CNN3: variants seen among roughly 807,000 people sequenced by gnomAD.
The protein encoded by CNN3 is calponin 3.
In CNN3, 11 loss-of-function variants were observed where a neutral mutation model predicts 39.0. The ratio of observed to expected loss-of-function variants is 0.28; its 90% CI spans 0.18 to 0.47. CNN3 has a LOEUF of 0.47. Among genes scored for constraint, CNN3 ranks in the 20% least tolerant of loss-of-function variants. The pLI is 0.99. For missense variants in CNN3, 266 were observed against 403.4 expected (o/e 0.66, Z 2.92); for synonymous variants, 101 against 138.3 (o/e 0.73, Z 1.89).
chr1:94,926,801 C>A lies in CNN3; in HGVS notation c.57+37G>T. The A allele has an allele frequency of 6.3e-7, 1 of 1,597,414 alleles. No homozygotes were observed. The highest frequency in any genetic ancestry group is 8.5e-7 in the Non-Finnish European group (1 of 1,171,342). Reference sequence around the variant, plus strand: ...CCAGCGCCAGGCCAGCCCAAGGGTGCCCCGGGGGCCCCCGCGCCCGCCCGA... The same window carrying A: ...CCAGCGCCAGGCCAGCCCAAGGGTGACCCGGGGGCCCCCGCGCCCGCCCGA... On this transcript the variant is annotated intron_variant, in intron 1 of 6. Coordinates refer to ENST00000370206, the MANE Select transcript of CNN3 (RefSeq NM_001839.5). The surrounding 1 kb of genome is among the most constrained non-coding windows in gnomAD (Gnocchi z 4.2).
intron 1 of CNN3, among the ~76,000 whole-genome samples, chr1:94,916,735 A>G (rs375960269): frequency 1.2e-4 from 19 of 152,222 alleles, no homozygotes; most frequent in African/African-American, 4.3e-4. Flanking sequence ...GCCCATTTCC[A>G]CCATGCACAA....
intron 1 of CNN3, among the ~76,000 whole-genome samples, chr1:94,917,439 T>C (rs1025649731): frequency 1.3e-5 from 2 of 152,224 alleles, no homozygotes; most frequent in Non-Finnish European, 2.9e-5. Flanking sequence ...GGACGAGGGA[T>C]GGAGTAGGGA....
At chr1:94,922,063 T>A (rs946170176) in intron 1 of CNN3, among the ~76,000 whole-genome samples, 11 of 152,044 alleles carry the variant, frequency 7.2e-5, no homozygotes, top group Admixed American at 4.6e-4. Context: ...TAAGAAATAA[T>A]CCCAAAATCA....
At chr1:94,919,863 C>T (rs774551973) in intron 1 of CNN3, among the ~76,000 whole-genome samples, 6 of 152,084 alleles carry the variant, frequency 3.9e-5, no homozygotes, top group African/African-American at 1.2e-4. Flanking sequence ...CACCCTGAAG[C>T]TTCCTGGTCC....
chr1:94,919,929 T>C (rs1671395559), intron 1 of CNN3, among the ~76,000 whole-genome samples: 1 of 152,146 alleles, frequency 6.6e-6, no homozygotes, highest in African/African-American at 2.4e-5. Context: ...AAGGACTTGC[T>C]TCACACAGGT....
intron 1 of CNN3, among the ~76,000 whole-genome samples, chr1:94,918,151 T>C (rs950355312): frequency 2.6e-5 from 4 of 152,154 alleles, no homozygotes; most frequent in African/African-American, 4.8e-5. Flanking sequence ...CCACCACCAA[T>C]ATCATCGTAT....
At chr1:94,923,137 C>T (rs773174408) in intron 1 of CNN3, among the ~76,000 whole-genome samples, 2 of 152,216 alleles carry the variant, frequency 1.3e-5, no homozygotes, top group African/African-American at 4.8e-5. Context: ...CCTCTCTTCC[C>T]ATCCAACTTT....
Position 94,899,354 on chromosome 1 carries a change from A to G in CNN3, c.648+17T>C, listed in dbSNP as rs895368154. ...GGTAAGTGTACTCTTGTACACGTAT[A>G]AAAAGGTATTGCTTACCTGGCTGGC... On this transcript the variant is annotated intron_variant, in intron 6 of 6. Transcript: ENST00000370206. 6.2e-7 allele frequency: 1 copy of G among 1,610,946 alleles called. No individual in the cohort carries two copies.
chr1:94,926,969 C>A lies in CNN3; in HGVS notation c.-75G>T. The A allele has an allele frequency of 4.0e-6, 6 of 1,497,828 alleles. No individual in the cohort carries two copies. Among genetic ancestry groups the A allele is most frequent in the East Asian group, 2.4e-5 (1 of 41,672 alleles). The allele number at this position is 1,497,828 out of a possible 1,614,324, so 92.8% of individuals were successfully genotyped here. A position where few individuals can be genotyped will look rare whatever the true frequency, so the allele number is the denominator to read the frequency against. Reference sequence around the variant, plus strand: ...CACTTCGCTTCCCCGCTCCTGGCCCCGAGGAGTGGCCGCCGCGGGGGATGC... The same window carrying A: ...CACTTCGCTTCCCCGCTCCTGGCCCAGAGGAGTGGCCGCCGCGGGGGATGC... On this transcript the variant is annotated 5_prime_UTR_variant, in exon 1 of 7. Transcript: ENST00000370206. This position sits in a 1 kb window ranked among gnomAD's most constrained non-coding sequence, Gnocchi z 4.2.
At chr1:94,912,842 T>G (rs987116575) in intron 1 of CNN3, among the ~76,000 whole-genome samples, 4 of 152,236 alleles carry the variant, frequency 2.6e-5, no homozygotes, top group Non-Finnish European at 5.9e-5. Context: ...ATTGCATTAC[T>G]TTCTCATAAA....
chr1:94,919,604 T>C, intron 1 of CNN3, among the ~76,000 whole-genome samples: 1 of 152,128 alleles, frequency 6.6e-6, no homozygotes, highest in East Asian at 1.9e-4. Flanking sequence ...TGGAGAAAGA[T>C]CAGTGTCCAA....
chr1:94,916,338 C>T (rs2101735345), intron 1 of CNN3, among the ~76,000 whole-genome samples: 1 of 152,152 alleles, frequency 6.6e-6, no homozygotes, highest in East Asian at 1.9e-4. Flanking sequence ...CCCAGGAGGT[C>T]AAGGCTGCAG....
In CNN3 at chr1:94,903,184, T is replaced by C. The variant is rs1670912993; in HGVS notation, c.184A>G (p.Ile62Val). ...LKDGIILCEL[I>V]NKLQPGSVKK... ...ACTGAGCCTGGCTGTAGCTTGTTTA[T>C]AAGTCTGAAAAGAAAAATATGAGAG... The change falls in exon 3 of 7, where the codon ATA (isoleucine) becomes GTA (valine). Residue 62 changes from isoleucine (I) to valine (V), a missense_variant. Coordinates refer to ENST00000370206, the MANE Select transcript of CNN3 (RefSeq NM_001839.5). The C allele has an allele frequency of 1.2e-6, 2 of 1,612,948 alleles. No homozygotes were observed. Among genetic ancestry groups the C allele is most frequent in the Non-Finnish European group, 1.7e-6 (2 of 1,179,522 alleles).
In CNN3 at chr1:94,926,263, C is replaced by T. The variant is rs192061148; in HGVS notation, c.57+575G>A. On this transcript the variant is annotated intron_variant, in intron 1 of 6. Transcript: ENST00000370206. This position sits in a 1 kb window ranked among gnomAD's most constrained non-coding sequence, Gnocchi z 4.2. ...CAGAAGCAGCAGCAGCAATCTGCCT[C>T]CAAATGCCTCCCAGGCACCGAGATC... is the stretch of plus-strand genomic sequence containing the variant. 2.0e-5 allele frequency among the ~76,000 whole-genome samples: 3 copies of T among 152,338 alleles called. No individual in the cohort carries two copies. Among genetic ancestry groups the T allele is most frequent in the Admixed American group, 2.0e-4 (3 of 15,310 alleles).
chr1:94,918,519 A>C (rs859041), intron 1 of CNN3, among the ~76,000 whole-genome samples: 34,615 of 136,264 alleles, frequency 0.25, 5,420 homozygotes, highest in Non-Finnish European at 0.3. Context: ...AAAAAAAAAA[A>C]AGTCGGCAAG....
chr1:94,922,500 C>T lies in CNN3; in HGVS notation c.57+4338G>A, dbSNP rs183071420. Reference sequence around the variant, plus strand: ...ACACCCGCGAATAAGAGAGCTTTATCTCTGGTGGGAAGAGACAGATAATAA... The same window carrying T: ...ACACCCGCGAATAAGAGAGCTTTATTTCTGGTGGGAAGAGACAGATAATAA... On this transcript the variant is annotated intron_variant, in intron 1 of 6. Coordinates refer to ENST00000370206, the MANE Select transcript of CNN3 (RefSeq NM_001839.5). Among the ~76,000 whole-genome samples, 33 of 152,280 alleles carry T rather than the reference C, an allele frequency of 2.2e-4. No individual in the cohort carries two copies. The South Asian group carries it at 3.7e-3, about 17-fold the overall frequency.
intron 1 of CNN3, among the ~76,000 whole-genome samples, chr1:94,909,670 G>C (rs1671105468): frequency 6.6e-6 from 1 of 152,212 alleles, no homozygotes; most frequent in African/African-American, 2.4e-5. Context: ...CCTACCAGCT[G>C]CTGGGAAACA....
chr1:94,926,096 C>G lies in CNN3; in HGVS notation c.57+742G>C, dbSNP rs564019297. Among the ~76,000 whole-genome samples the G allele has an allele frequency of 4.6e-5, 7 of 152,298 alleles. No homozygotes were observed. The East Asian group carries it at 1.4e-3, about 29-fold the overall frequency. On this transcript the variant is annotated intron_variant, in intron 1 of 6. Coordinates refer to ENST00000370206, the MANE Select transcript of CNN3 (RefSeq NM_001839.5). This position sits in a 1 kb window ranked among gnomAD's most constrained non-coding sequence, Gnocchi z 4.2. ...CAAACAAGCCCCAAACAAAAGCAAC[C>G]CACAAAAATAATCCTTTATGTCGTG...
chr1:94,897,803 CCATGATACT>C lies in CNN3; in HGVS notation c.920_928del (p.Glu307_His309del). 6.2e-7 allele frequency: 1 copy of C among 1,614,156 alleles called. No homozygotes were observed. Among genetic ancestry groups the C allele is most frequent in the South Asian group, 1.1e-5 (1 of 91,082 alleles). Reference sequence around the variant, plus strand: ...TCTGGGGTAGTCATCCTGGTACTCGCCATGATACTCATCAGGGTATTCTGCCTGATAATC... The same window carrying C: ...TCTGGGGTAGTCATCCTGGTACTCGCCATCAGGGTATTCTGCCTGATAATC... On this transcript the variant is annotated inframe_deletion, in exon 7 of 7. Coordinates refer to ENST00000370206, the MANE Select transcript of CNN3 (RefSeq NM_001839.5).
Sources: gnomAD v4.1 joint callset for allele counts (sites outside exome capture counted in the v4.1 genomes callset) on GRCh38, gnomAD v4.1.1 for gene constraint, Gnocchi (gnomAD v3.1) non-coding constraint, MANE v1.5 for transcripts, NCBI Gene and HGNC (gene_info 2026-07-23, HGNC 2026-07-21) for gene names.